ATP8A2: variants seen among roughly 807,000 people sequenced by gnomAD.
The protein encoded by ATP8A2 is phospholipid-transporting ATPase IB.
A neutral mutation model predicts 165.6 loss-of-function variants in ATP8A2; 100 were observed. The observed-to-expected ratio is 0.60, with a 90% confidence interval of 0.51 to 0.71. The LOEUF (loss-of-function observed/expected upper bound fraction) is 0.71. ATP8A2 is among the 30% of genes least tolerant of loss of function. ATP8A2 has a pLI of 0.00. For missense variants in ATP8A2, 1,227 were observed against 1,479.5 expected (o/e 0.83, Z 2.80); for synonymous variants, 543 against 548.8 (o/e 0.99, Z 0.15).
chr13:25,418,177 A>C (rs913394950), intron 1 of ATP8A2, among the ~76,000 whole-genome samples: 1 of 152,184 alleles, frequency 6.6e-6, no homozygotes, highest in African/African-American at 2.4e-5. Flanking sequence ...GCTCCCAATG[A>C]ATACATACCC....
chr13:25,746,337 T>G (rs757079147), intron 25 of ATP8A2, among the ~76,000 whole-genome samples: 4 of 152,190 alleles, frequency 2.6e-5, no homozygotes, highest in Non-Finnish European at 4.4e-5. Flanking sequence ...GCAGGACAGA[T>G]GGATGGCAAG....
intron 35 of ATP8A2, among the ~76,000 whole-genome samples, chr13:25,999,512 T>G (rs1416978951): frequency 6.6e-6 from 1 of 152,168 alleles, no homozygotes; most frequent in Non-Finnish European, 1.5e-5. Context: ...AGGACCCAGC[T>G]TCAGTGCTGA....
At chr13:25,913,055 A>G (rs1954164967) in intron 33 of ATP8A2, among the ~76,000 whole-genome samples, 1 of 152,254 alleles carries the variant, frequency 6.6e-6, no homozygotes, top group South Asian at 2.1e-4. Context: ...AGAGTTAAAA[A>G]TAGCAATTTT....
At chr13:25,908,831 C>T (rs1347545581) in intron 33 of ATP8A2, among the ~76,000 whole-genome samples, 2 of 152,318 alleles carry the variant, frequency 1.3e-5, no homozygotes, top group Admixed American at 6.5e-5. Context: ...TTTCCCAGCC[C>T]TTCTGTGGTG....
chr13:25,978,570 G>A (rs1296133593), intron 35 of ATP8A2, among the ~76,000 whole-genome samples: 1 of 151,536 alleles, frequency 6.6e-6, no homozygotes, highest in African/African-American at 2.4e-5. Flanking sequence ...CCAGCATTCA[G>A]GGTTAAAGTG....
intron 27 of ATP8A2, among the ~76,000 whole-genome samples, chr13:25,800,023 C>A (rs1343324538): frequency 6.6e-6 from 1 of 152,132 alleles, no homozygotes; most frequent in Non-Finnish European, 1.5e-5. Context: ...TTTATTGGGC[C>A]TTTTAATGTA....
chr13:25,594,590 C>T (rs1370460626), intron 24 of ATP8A2, among the ~76,000 whole-genome samples: 1 of 152,100 alleles, frequency 6.6e-6, no homozygotes, highest in Non-Finnish European at 1.5e-5. Flanking sequence ...CCCCCAAGTC[C>T]CCAAAGTCCA....
intron 24 of ATP8A2, among the ~76,000 whole-genome samples, chr13:25,632,379 C>G (rs1033142716): frequency 6.6e-6 from 1 of 152,112 alleles, no homozygotes; most frequent in Non-Finnish European, 1.5e-5. Context: ...AATCCTGCCT[C>G]GGTCTTTCCT....
chr13:25,715,353 A>C lies in ATP8A2; in HGVS notation c.2384+16008A>C, dbSNP rs576908998. On this transcript the variant is annotated intron_variant, in intron 25 of 36. Coordinates refer to ENST00000381655, the MANE Select transcript of ATP8A2 (RefSeq NM_016529.6). ...ATAACAGCTTTATTGAAATATTAGC[A>C]TACCATGTAATTCACACATTTGAAG... 5.3e-5 allele frequency among the ~76,000 whole-genome samples: 8 copies of C among 152,360 alleles called. No homozygotes were observed. The East Asian group carries it at 1.5e-3, about 29-fold the overall frequency.
intron 1 of ATP8A2, among the ~76,000 whole-genome samples, chr13:25,440,462 C>T (rs1302699490): frequency 3.3e-5 from 5 of 152,128 alleles, no homozygotes; most frequent in Non-Finnish European, 1.5e-5. Context: ...TGAACTAGAA[C>T]AGGACGGTCG....
chr13:25,780,803 A>G (rs2044857231), intron 27 of ATP8A2, among the ~76,000 whole-genome samples: 1 of 151,826 alleles, frequency 6.6e-6, no homozygotes, highest in East Asian at 1.9e-4. Context: ...TAATGCTGCC[A>G]CTGATCTGAC....
intron 36 of ATP8A2, among the ~76,000 whole-genome samples, chr13:26,013,658 G>A (rs1956896841): frequency 7.2e-6 from 1 of 139,226 alleles, no homozygotes; most frequent in Admixed American, 7.7e-5. Flanking sequence ...TGGGCAACAA[G>A]AGCGAAACTT....
chr13:26,008,872 G>C (rs1024744581), intron 35 of ATP8A2, among the ~76,000 whole-genome samples: 3 of 152,136 alleles, frequency 2.0e-5, no homozygotes, highest in Admixed American at 2.0e-4. Flanking sequence ...AAATATGAAG[G>C]CTAGAAATGT....
chr13:25,523,723 A>G (rs1269990148), intron 2 of ATP8A2, among the ~76,000 whole-genome samples: 1 of 151,730 alleles, frequency 6.6e-6, no homozygotes, highest in African/African-American at 2.4e-5. Context: ...TTTATGTTGC[A>G]TTTCCATTTC....
intron 24 of ATP8A2, among the ~76,000 whole-genome samples, chr13:25,629,704 G>A (rs2041190105): frequency 6.6e-6 from 1 of 152,030 alleles, no homozygotes; most frequent in Non-Finnish European, 1.5e-5. Context: ...TTGCTCTGTG[G>A]TCACCCGCCC....
chr13:26,000,962 C>G (rs934395265), intron 35 of ATP8A2, among the ~76,000 whole-genome samples: 12 of 152,198 alleles, frequency 7.9e-5, no homozygotes, highest in Non-Finnish European at 1.2e-4. Context: ...ACCATTACCA[C>G]TACCTAGTTC....
intron 1 of ATP8A2, among the ~76,000 whole-genome samples, chr13:25,431,969 C>A (rs1301988940): frequency 6.6e-6 from 1 of 152,146 alleles, no homozygotes; most frequent in Non-Finnish European, 1.5e-5. Flanking sequence ...TGGGCATTTC[C>A]TTTAAATTGA....
At chr13:25,809,860 T>C (rs1436883484) in intron 27 of ATP8A2, among the ~76,000 whole-genome samples, 2 of 152,026 alleles carry the variant, frequency 1.3e-5, no homozygotes, top group East Asian at 3.9e-4. Context: ...GTTCAATAAA[T>C]GATCAAGCAG....
chr13:25,408,253 C>T lies in ATP8A2; in HGVS notation c.76+35965C>T, dbSNP rs560054350. On this transcript the variant is annotated intron_variant, in intron 1 of 36. Coordinates refer to ENST00000381655, the MANE Select transcript of ATP8A2 (RefSeq NM_016529.6). ...ACTAAAATACAGAAAATTAACCGGG[C>T]ATGGTGGCTCCCGCCTGTAGTCCTA... 1.7e-4 allele frequency among the ~76,000 whole-genome samples: 26 copies of T among 152,160 alleles called. 2 individuals are homozygous for T. In the South Asian group the frequency reaches 5.2e-3, roughly 30 times the overall value.
Sources: allele counts gnomAD v4.1 joint callset (sites outside exome capture counted in the v4.1 genomes callset), GRCh38; gene constraint gnomAD v4.1.1; transcripts MANE v1.5; gene names NCBI Gene and HGNC (gene_info 2026-07-23, HGNC 2026-07-21).